Variants in AJAP1 observed in about 807,000 individuals in gnomAD.
The protein encoded by AJAP1 is adherens junction-associated protein 1.
Under a neutral mutation model 35.0 loss-of-function variants are expected in AJAP1, and 5 were observed. That is an observed-to-expected ratio of 0.14 (90% CI 0.07 to 0.30). The LOEUF (loss-of-function observed/expected upper bound fraction) is 0.30. AJAP1 is among the 10% of genes least tolerant of loss of function. The pLI, the probability that AJAP1 is intolerant of heterozygous loss-of-function variation, is 1.00. For missense variants in AJAP1, 586 were observed against 571.0 expected, an observed-to-expected ratio of 1.03 and a Z score of -0.27; for synonymous variants, 284 against 249.3, an observed-to-expected ratio of 1.14 and a Z score of -1.31.
intron 1 of AJAP1, among the ~76,000 whole-genome samples, chr1:4,701,772 C>T (rs1286505161): frequency 6.6e-6 from 1 of 152,196 alleles, no homozygotes; most frequent in Non-Finnish European, 1.5e-5. Flanking sequence ...GCCGTTTTTA[C>T]CATCTTCTGC....
intron 2 of AJAP1, among the ~76,000 whole-genome samples, chr1:4,752,133 A>C (rs1040359433): frequency 2.0e-5 from 3 of 151,256 alleles, no homozygotes; most frequent in Admixed American, 6.6e-5. Flanking sequence ...CATGTCATTA[A>C]AGGAGGAACA....
chr1:4,766,491 T>C (rs1570216267), intron 2 of AJAP1, among the ~76,000 whole-genome samples: 1 of 152,302 alleles, frequency 6.6e-6, no homozygotes, highest in South Asian at 2.1e-4. Flanking sequence ...CCCTTATGAA[T>C]TTTCCATATT....
At chr1:4,670,058 C>T (rs148127784) in intron 1 of AJAP1, among the ~76,000 whole-genome samples, 367 of 152,274 alleles carry the variant, frequency 2.4e-3, no homozygotes, top group African/African-American at 6.9e-3. Context: ...ATCTGAAAAA[C>T]GGGGATGTCA....
At chr1:4,772,559 G>A (rs774908542) in intron 4 of AJAP1, 34 bp downstream of exon 4, 2 of 1,605,434 alleles carry the variant, frequency 1.2e-6, no homozygotes, top group Non-Finnish European at 1.7e-6. Flanking sequence ...CTGCAGCTGT[G>A]AAGCTCTTGG....
intron 2 of AJAP1, among the ~76,000 whole-genome samples, chr1:4,717,926 C>T (rs1275750064): frequency 1.3e-5 from 2 of 152,226 alleles, no homozygotes; most frequent in African/African-American, 4.8e-5. Flanking sequence ...GGAAGTGAAT[C>T]TGTCCTTAAT....
At position 4,783,765 on chromosome 1, in the gene AJAP1, T is replaced by C. The variant is rs992655750; in HGVS notation, c.*1280T>C. On this transcript the variant is annotated 3_prime_UTR_variant, in exon 6 of 6. Transcript: ENST00000378191. ...GACTGGATTAAAGAAGTTTTCCAGT[T>C]CCAAAAATTAAAGGAATATATCCTT... The C allele has an allele frequency of 7.2e-5, 11 of 151,926 alleles. No individual in the cohort carries two copies. Among genetic ancestry groups the C allele is most frequent in the Non-Finnish European group, 1.5e-4 (10 of 67,988 alleles). 9.4% of individuals were successfully genotyped at this position (151,926 alleles called of 1,614,324 possible).
chr1:4,700,065 C>T (rs891740067), intron 1 of AJAP1, among the ~76,000 whole-genome samples: 42 of 152,204 alleles, frequency 2.8e-4, no homozygotes, highest in African/African-American at 9.7e-4. Flanking sequence ...CTCCCCTGAG[C>T]GTCTTCCTGG....
intron 2 of AJAP1, among the ~76,000 whole-genome samples, chr1:4,722,523 G>T (rs1487315321): frequency 6.6e-6 from 1 of 152,232 alleles, no homozygotes; most frequent in Non-Finnish European, 1.5e-5. Flanking sequence ...GAGTCCTGGG[G>T]CTGCTGTAAT....
chr1:4,758,639 G>A (rs1390863458), intron 2 of AJAP1, among the ~76,000 whole-genome samples: 1 of 152,160 alleles, frequency 6.6e-6, no homozygotes, highest in African/African-American at 2.4e-5. Context: ...CTTGACAAGT[G>A]GGGATTATGG....
chr1:4,728,130 G>A (rs1640712948), intron 2 of AJAP1, among the ~76,000 whole-genome samples: 1 of 152,218 alleles, frequency 6.6e-6, no homozygotes, highest in Non-Finnish European at 1.5e-5. Flanking sequence ...GTGGTCATTT[G>A]CTACTTGGCA....
At chr1:4,690,970 A>G (rs242052) in intron 1 of AJAP1, among the ~76,000 whole-genome samples, 24,824 of 152,160 alleles carry the variant, frequency 0.16, 2,189 homozygotes, top group Non-Finnish European at 0.2. Flanking sequence ...AGGGCAGGCC[A>G]TGTCTGCCTG....
intron 1 of AJAP1, among the ~76,000 whole-genome samples, chr1:4,670,682 T>C (rs948548934): frequency 1.3e-5 from 2 of 152,164 alleles, no homozygotes; most frequent in African/African-American, 4.8e-5. Context: ...CCATGACGAG[T>C]GCAGGTCTCA....
chr1:4,787,760 G>T lies in AJAP1; in HGVS notation c.*5275G>T, dbSNP rs1182463382. 2.2e-6 allele frequency: 1 copy of T among 455,084 alleles called. No individual in the cohort carries two copies. 28.2% of individuals were successfully genotyped at this position (455,084 alleles called of 1,614,324 possible). A position where few individuals can be genotyped will look rare whatever the true frequency, so the allele number is the denominator to read the frequency against. ...GCCAGGTCTCAAGGAGGATAAGGGG[G>T]TTCAACGTCAGCGACTTGGCCCACG... On this transcript the variant is annotated 3_prime_UTR_variant, in exon 6 of 6. Transcript: ENST00000378191.
At position 4,664,249 on chromosome 1, in the gene AJAP1, CT is replaced by C. The variant is rs770266346; in HGVS notation, c.29+8798del. 5.9e-5 allele frequency among the ~76,000 whole-genome samples: 9 copies of C among 152,304 alleles called. No individual in the cohort carries two copies. The East Asian group carries it at 1.7e-3, about 29-fold the overall frequency. ...CTGTTCTTCCTAGTCTAGAAGAACACTTTGGATTGGATGTATTTAAGGAATA... is the reference window on the plus strand; with the variant it reads ...CTGTTCTTCCTAGTCTAGAAGAACACTTGGATTGGATGTATTTAAGGAATA... On this transcript the variant is annotated intron_variant, in intron 1 of 5. Transcript: ENST00000378191.
intron 2 of AJAP1, among the ~76,000 whole-genome samples, chr1:4,748,733 G>T (rs1448566364): frequency 7.6e-6 from 1 of 131,778 alleles, no homozygotes; most frequent in Non-Finnish European, 1.6e-5. Context: ...GGGTGACAGA[G>T]TGAGACTCTG....
chr1:4,690,468 C>T (rs1639714148), intron 1 of AJAP1, among the ~76,000 whole-genome samples: 1 of 152,230 alleles, frequency 6.6e-6, no homozygotes, highest in African/African-American at 2.4e-5. Context: ...GAGCTGTCAC[C>T]AGGGGCGCGT....
At position 4,782,115 on chromosome 1, in the gene AJAP1, C is replaced by T. The variant is rs1642075809; in HGVS notation, c.*60-430C>T. ...TCCCGCAGCACAGGAGTGGAGCAGG[C>T]CCCACGCCACCCTCCATGGGAGGAA... On this transcript the variant is annotated intron_variant, in intron 5 of 5. Transcript: ENST00000378191. This position sits in a 1 kb window ranked among gnomAD's most constrained non-coding sequence, Gnocchi z 5.3. 6.6e-6 allele frequency among the ~76,000 whole-genome samples: 1 copy of T among 152,184 alleles called. No individual in the cohort carries two copies. Among genetic ancestry groups the T allele is most frequent in the Admixed American group, 6.5e-5 (1 of 15,290 alleles).
intron 2 of AJAP1, among the ~76,000 whole-genome samples, chr1:4,741,757 C>T (rs568619077): frequency 3.6e-4 from 55 of 152,202 alleles, no homozygotes; most frequent in Non-Finnish European, 6.9e-4. Context: ...GGAACCAGGG[C>T]TCATTGGGTA....
intron 2 of AJAP1, among the ~76,000 whole-genome samples, chr1:4,728,545 C>T (rs1053321903): frequency 6.6e-6 from 1 of 152,208 alleles, no homozygotes; most frequent in Non-Finnish European, 1.5e-5. Flanking sequence ...TCACAGCCTG[C>T]TCTTGCTGTC....
Sources: allele counts gnomAD v4.1 joint callset (sites outside exome capture counted in the v4.1 genomes callset), GRCh38; gene constraint gnomAD v4.1.1; non-coding constraint Gnocchi (gnomAD v3.1); transcripts MANE v1.5; gene names NCBI Gene and HGNC (gene_info 2026-07-23, HGNC 2026-07-21).